PRKAR2A: variants seen among roughly 807,000 people sequenced by gnomAD.
PRKAR2A encodes the protein cAMP-dependent protein kinase type II-alpha regulatory subunit.
Under a neutral mutation model 51.9 loss-of-function variants are expected in PRKAR2A, and 29 were observed. The observed-to-expected ratio is 0.56, with a 90% CI of 0.42 to 0.76. The LOEUF (loss-of-function observed/expected upper bound fraction) is 0.76, where lower values mean the gene tolerates loss of function less well. Among genes scored for constraint, PRKAR2A ranks in the 30% least tolerant of loss-of-function variants. The pLI, the probability that PRKAR2A is intolerant of heterozygous loss-of-function variation, is 0.00. For missense variants in PRKAR2A, 445 were observed against 512.1 expected (o/e 0.87, Z 1.26); for synonymous variants, 178 against 186.2 (o/e 0.96, Z 0.36).
At chr3:48,771,003 A>G (rs574254864) in intron 6 of PRKAR2A, among the ~76,000 whole-genome samples, 1 of 152,224 alleles carries the variant, frequency 6.6e-6, no homozygotes, top group African/African-American at 2.4e-5. Context: ...AGGTGGGCAG[A>G]TCACCTGAGG....
intron 8 of PRKAR2A, among the ~76,000 whole-genome samples, chr3:48,761,621 AT>A (rs557024179): frequency 6.6e-6 from 1 of 151,964 alleles, no homozygotes; most frequent in African/African-American, 2.4e-5. Flanking sequence ...TTATTTATTT[AT>A]TTTTTTTGAG....
intron 2 of PRKAR2A, among the ~76,000 whole-genome samples, chr3:48,801,985 C>T (rs930247479): frequency 1.3e-5 from 2 of 152,186 alleles, no homozygotes; most frequent in Non-Finnish European, 2.9e-5. Flanking sequence ...TCTCGGTTCA[C>T]TGCAAACTCT....
chr3:48,758,619 G>T (rs1020069256), intron 8 of PRKAR2A, among the ~76,000 whole-genome samples: 1 of 150,462 alleles, frequency 6.6e-6, no homozygotes, highest in African/African-American at 2.4e-5. Flanking sequence ...AAAACAAAAT[G>T]AAGAAGACAG....
rs892884307 is a variant in PRKAR2A, at chr3:48,748,815, T to C, written c.*2770A>G. On this transcript the variant is annotated 3_prime_UTR_variant, in exon 11 of 11. Transcript: ENST00000265563. ...ACTTTCTGATAATAAAGTAACACCA[T>C]GGAAAAGAAGAACCTCAGAAAAATA... 1.2e-4 allele frequency: 18 copies of C among 152,186 alleles called. No homozygotes were observed. The highest frequency in any genetic ancestry group is 4.3e-4 in the African/African-American group (18 of 41,442). 9.4% of individuals were successfully genotyped at this position (152,186 alleles called of 1,614,324 possible). A position where few individuals can be genotyped will look rare whatever the true frequency, so the allele number is the denominator to read the frequency against.
Position 48,752,316 on chromosome 3 carries a change from G to A in PRKAR2A, c.941C>T (p.Thr314Ile). The change falls in exon 10 of 11, where the codon ACT (threonine) becomes ATT (isoleucine). Residue 314 changes from threonine to isoleucine, a missense_variant and splice_region_variant. Physicochemically the swap from Thr to Ile is moderately conservative, Grantham distance 89. Coordinates refer to ENST00000265563, the MANE Select transcript of PRKAR2A (RefSeq NM_004157.4). ...GEVSILIRSR[T>I]KSNKDGGNQE... ...GTTCCCACCATCCTTGTTTGATTTA[G>A]TCTACAGCAGGCAAAGAACATGACC... 2.5e-6 allele frequency: 4 copies of A among 1,612,860 alleles called. No homozygotes were observed. Among genetic ancestry groups the A allele is most frequent in the Non-Finnish European group, 3.4e-6 (4 of 1,179,592 alleles).
chr3:48,777,295 A>T (rs894222528), intron 5 of PRKAR2A, among the ~76,000 whole-genome samples: 1 of 152,204 alleles, frequency 6.6e-6, no homozygotes, highest in Non-Finnish European at 1.5e-5. Flanking sequence ...CAGTCTTGAC[A>T]TCTTAACCAA....
At chr3:48,810,538 T>A (rs1258616271) in intron 1 of PRKAR2A, among the ~76,000 whole-genome samples, 1 of 152,092 alleles carries the variant, frequency 6.6e-6, no homozygotes, top group Non-Finnish European at 1.5e-5. Flanking sequence ...CTTTGTGGAA[T>A]TTTTTTCCTG....
At chr3:48,808,197 G>A (rs575586425) in intron 1 of PRKAR2A, among the ~76,000 whole-genome samples, 2 of 151,514 alleles carry the variant, frequency 1.3e-5, no homozygotes, top group African/African-American at 2.4e-5. Flanking sequence ...ACAGGCGCCC[G>A]CCACCATGCC....
chr3:48,834,125 A>G (rs887628187), intron 1 of PRKAR2A, among the ~76,000 whole-genome samples: 3 of 152,110 alleles, frequency 2.0e-5, no homozygotes, highest in Non-Finnish European at 4.4e-5. Context: ...GGGCAACACA[A>G]TCAAAAGTTT....
chr3:48,756,073 C>T (rs2081758993), intron 9 of PRKAR2A, among the ~76,000 whole-genome samples: 1 of 151,578 alleles, frequency 6.6e-6, no homozygotes, highest in Non-Finnish European at 1.5e-5. Context: ...AGCCACTGTG[C>T]CCGGCCCCAG....
At chr3:48,796,583 C>T (rs2082494423) in intron 2 of PRKAR2A, among the ~76,000 whole-genome samples, 1 of 152,064 alleles carries the variant, frequency 6.6e-6, no homozygotes, top group Non-Finnish European at 1.5e-5. Flanking sequence ...CCACCTCCAC[C>T]TCCCAGGTTC....
At chr3:48,797,727 C>T (rs1208849619) in intron 2 of PRKAR2A, among the ~76,000 whole-genome samples, 1 of 152,208 alleles carries the variant, frequency 6.6e-6, no homozygotes, top group Non-Finnish European at 1.5e-5. Flanking sequence ...ATACACCATT[C>T]TAGTCTCTGA....
intron 1 of PRKAR2A, among the ~76,000 whole-genome samples, chr3:48,830,333 T>C (rs1050711000): frequency 3.9e-5 from 6 of 152,136 alleles, no homozygotes; most frequent in Non-Finnish European, 7.4e-5. Flanking sequence ...CTTGTACCAC[T>C]GGAAGGTCTT....
intron 3 of PRKAR2A, among the ~76,000 whole-genome samples, chr3:48,792,517 A>G (rs1167217028): frequency 1.6e-5 from 2 of 125,044 alleles, no homozygotes; most frequent in Admixed American, 2.0e-4. Context: ...GCTGGAGTGC[A>G]GTGGCGTGAT....
intron 1 of PRKAR2A, among the ~76,000 whole-genome samples, chr3:48,821,169 A>T (rs977082950): frequency 1.3e-5 from 2 of 152,198 alleles, no homozygotes; most frequent in Non-Finnish European, 1.5e-5. Flanking sequence ...CTGTGGCAAG[A>T]TCAGAGCAAG....
rs369651842 is a variant in PRKAR2A at position 48,829,667 on chromosome 3, C to T, written c.262+17668G>A. 4.1e-4 allele frequency among the ~76,000 whole-genome samples: 55 copies of T among 134,554 alleles called. 4 individuals carry two copies. Among genetic ancestry groups the T allele is most frequent in the African/African-American group, 1.5e-3 (53 of 36,122 alleles). The allele number at this position is 134,554 out of a possible 152,430, so 88.3% of individuals were successfully genotyped here. ...ATGTGTGTGTGTATACGTGTGTATACACACACATAAATGTGTGTGTGTATA... is the reference window on the plus strand; with the variant it reads ...ATGTGTGTGTGTATACGTGTGTATATACACACATAAATGTGTGTGTGTATA... On this transcript the variant is annotated intron_variant, in intron 1 of 10. Transcript: ENST00000265563.
At chr3:48,760,093 C>T (rs1483534472) in intron 8 of PRKAR2A, among the ~76,000 whole-genome samples, 1 of 152,220 alleles carries the variant, frequency 6.6e-6, no homozygotes, top group East Asian at 1.9e-4. Context: ...TGTGGTGGCT[C>T]ACGCCATCCC....
At chr3:48,767,957 A>G (rs980571231) in intron 6 of PRKAR2A, among the ~76,000 whole-genome samples, 11 of 149,942 alleles carry the variant, frequency 7.3e-5, no homozygotes, top group African/African-American at 2.7e-4. Flanking sequence ...CCCCACAAAA[A>G]CAGAAAACCC....
chr3:48,772,214 G>A (rs1371134310), intron 6 of PRKAR2A, among the ~76,000 whole-genome samples: 1 of 152,116 alleles, frequency 6.6e-6, no homozygotes, highest in Non-Finnish European at 1.5e-5. Flanking sequence ...TTCCATCTTG[G>A]TCTGAACCAG....
Sources: allele counts gnomAD v4.1 joint callset (sites outside exome capture counted in the v4.1 genomes callset), GRCh38; gene constraint gnomAD v4.1.1; transcripts MANE v1.5; gene names NCBI Gene and HGNC (gene_info 2026-07-23, HGNC 2026-07-21).